Variants in TMED3 observed in about 807,000 individuals in gnomAD.
TMED3 encodes transmembrane p24 trafficking protein 3.
Under a neutral mutation model 15.0 loss-of-function variants are expected in TMED3, and 9 were observed. The ratio of observed to expected loss-of-function variants is 0.60; its 90% confidence interval spans 0.36 to 1.04. TMED3 has a LOEUF of 1.04. Ranked by LOEUF, TMED3 falls within the 50% of genes least tolerant of loss-of-function variation. The pLI, the probability that TMED3 is intolerant of heterozygous loss-of-function variation, is 0.01. For synonymous variants in TMED3, 117 were observed against 121.4 expected (o/e 0.96, Z 0.24); for missense variants, 267 against 278.9 (o/e 0.96, Z 0.30).
chr15:79,356,646 A>G (rs1053543130), intron 2 of TMED3, among the ~76,000 whole-genome samples: 2 of 152,216 alleles, frequency 1.3e-5, no homozygotes, highest in African/African-American at 4.8e-5. Flanking sequence ...AAAAGGATGG[A>G]GAGTGTCAGG....
At chr15:79,399,287 G>GT (rs1893803048) in intron 2 of TMED3, among the ~76,000 whole-genome samples, 1 of 152,020 alleles carries the variant, frequency 6.6e-6, no homozygotes, top group South Asian at 2.1e-4. Context: ...AGCTCCCCAA[G>GT]GCCCACTCAA....
At chr15:79,320,753 A>G (rs891361777) in intron 2 of TMED3, among the ~76,000 whole-genome samples, 4 of 152,196 alleles carry the variant, frequency 2.6e-5, no homozygotes, top group Non-Finnish European at 4.4e-5. Context: ...ACTAATTACT[A>G]CAAACATAGT....
downstream of TMED3, among the ~76,000 whole-genome samples, chr15:79,324,393 T>G (rs1029976909): frequency 6.6e-6 from 1 of 152,216 alleles, no homozygotes; most frequent in African/African-American, 2.4e-5. Flanking sequence ...TAGGGTACTC[T>G]ATATAATTTC....
intron 2 of TMED3, among the ~76,000 whole-genome samples, chr15:79,314,389 G>A (rs1180108143): frequency 6.6e-6 from 1 of 152,228 alleles, no homozygotes; most frequent in Admixed American, 6.5e-5. Flanking sequence ...ACAAGGTGCT[G>A]TAACAAAATA....
At chr15:79,405,629 A>G (rs1199701078) in intron 2 of TMED3, among the ~76,000 whole-genome samples, 3 of 152,210 alleles carry the variant, frequency 2.0e-5, no homozygotes, top group Non-Finnish European at 4.4e-5. Flanking sequence ...AGCATCACCA[A>G]TGTGACCAGC....
chr15:79,395,305 G>A (rs1325196064), intron 2 of TMED3, among the ~76,000 whole-genome samples: 3 of 152,026 alleles, frequency 2.0e-5, no homozygotes, highest in East Asian at 1.9e-4. Context: ...TCAGCCTCCC[G>A]AGTAGCTGGG....
At chr15:79,395,743 A>G (rs1369906713) in intron 2 of TMED3, among the ~76,000 whole-genome samples, 1 of 152,140 alleles carries the variant, frequency 6.6e-6, no homozygotes, top group African/African-American at 2.4e-5. Context: ...CGTCTATTTC[A>G]TATCTCACAC....
At chr15:79,364,178 A>G (rs1893184376) in intron 2 of TMED3, among the ~76,000 whole-genome samples, 1 of 152,136 alleles carries the variant, frequency 6.6e-6, no homozygotes, top group African/African-American at 2.4e-5. Flanking sequence ...AAGGCTTTTT[A>G]TATAGAAGCT....
At position 79,380,931 on chromosome 15, in the gene TMED3, C is replaced by T. The variant is rs573451921; in HGVS notation, c.418-30469C>T. ...TTGACATCCTGCAGTTTTTTTACAG[C>T]TCAGGGCAATGCACAATAGTAAGAT... On this transcript the variant is annotated intron_variant, in intron 2 of 2. Transcript: ENST00000424155. Among the ~76,000 whole-genome samples, 7 of 152,104 alleles carry T rather than the reference C, an allele frequency of 4.6e-5. No individual in the cohort carries two copies. The South Asian group carries it at 1.5e-3, about 32-fold the overall frequency.
chr15:79,406,535 T>C (rs903243216), intron 2 of TMED3, among the ~76,000 whole-genome samples: 1 of 152,140 alleles, frequency 6.6e-6, no homozygotes, highest in Non-Finnish European at 1.5e-5. Flanking sequence ...AGTGCACACA[T>C]ACAATTATTC....
At chr15:79,394,840 C>T (rs1036175152) in intron 2 of TMED3, among the ~76,000 whole-genome samples, 5 of 152,128 alleles carry the variant, frequency 3.3e-5, no homozygotes, top group Admixed American at 2.0e-4. Context: ...AATTGAGACC[C>T]CCTGTGTAAT....
At chr15:79,357,432 C>A (rs1211954041) in intron 2 of TMED3, among the ~76,000 whole-genome samples, 1 of 123,540 alleles carries the variant, frequency 8.1e-6, no homozygotes, top group Non-Finnish European at 1.6e-5. Context: ...CTGCAGTGAA[C>A]TGTGATTGTG....
chr15:79,370,470 A>G (rs1004880341), intron 2 of TMED3, among the ~76,000 whole-genome samples: 16 of 151,304 alleles, frequency 1.1e-4, no homozygotes, highest in African/African-American at 3.9e-4. Context: ...GGGAATATCA[A>G]TTTTCCTTTT....
intron 2 of TMED3, among the ~76,000 whole-genome samples, chr15:79,376,422 C>G (rs1289995139): frequency 6.6e-6 from 1 of 152,136 alleles, no homozygotes; most frequent in African/African-American, 2.4e-5. Flanking sequence ...TTGCAAACCC[C>G]AGAATTACAA....
At chr15:79,379,754 C>T (rs369476428) in intron 2 of TMED3, among the ~76,000 whole-genome samples, 1 of 152,054 alleles carries the variant, frequency 6.6e-6, no homozygotes, top group African/African-American at 2.4e-5. Context: ...TCAAACTTTC[C>T]TTATGTATTT....
chr15:79,392,799 A>G (rs1567039160), intron 2 of TMED3, among the ~76,000 whole-genome samples: 2 of 152,236 alleles, frequency 1.3e-5, no homozygotes, highest in Non-Finnish European at 2.9e-5. Flanking sequence ...TAAAAGGTAC[A>G]TGACACTACA....
intron 2 of TMED3, among the ~76,000 whole-genome samples, chr15:79,391,385 G>C (rs112698867): frequency 6.6e-6 from 1 of 152,062 alleles, no homozygotes; most frequent in Admixed American, 6.6e-5. Flanking sequence ...AATTTTGAAG[G>C]TTCCTTTTGG....
intron 2 of TMED3, among the ~76,000 whole-genome samples, chr15:79,369,644 G>T (rs1056875528): frequency 6.6e-6 from 1 of 152,228 alleles, no homozygotes; most frequent in Admixed American, 6.5e-5. Context: ...TCATTTTTAT[G>T]ATTTGAACAG....
intron 2 of TMED3, among the ~76,000 whole-genome samples, chr15:79,348,875 C>T (rs2058880780): frequency 6.6e-6 from 1 of 152,138 alleles, no homozygotes; most frequent in Non-Finnish European, 1.5e-5. Flanking sequence ...TCTGTCAGCC[C>T]AGCTGGAGTA....
Sources: allele counts gnomAD v4.1 joint callset (sites outside exome capture counted in the v4.1 genomes callset), GRCh38; gene constraint gnomAD v4.1.1; transcripts MANE v1.5; gene names NCBI Gene and HGNC (gene_info 2026-07-23, HGNC 2026-07-21).